The following SYT5 variants were observed in gnomAD, a reference collection of about 807,000 sequenced individuals.
The protein encoded by SYT5 is synaptotagmin-5.
SYT5 carries 29 observed loss-of-function variants against 36.0 expected under a neutral mutation model. That is an observed-to-expected ratio of 0.81 (90% CI 0.60 to 1.10). The LOEUF is 1.10. SYT5 is among the 50% of genes least tolerant of loss of function. The pLI is 0.00. For synonymous variants in SYT5, 231 were observed against 227.6 expected (o/e 1.02, Z -0.14); for missense variants, 512 against 516.0 (o/e 0.99, Z 0.08).
intron 3 of SYT5, 129 bp downstream of exon 3, chr19:55,178,067 C>T: frequency 9.2e-7 from 1 of 1,082,602 alleles, no homozygotes; most frequent in Non-Finnish European, 1.3e-6. Flanking sequence ...GGGCTAGACA[C>T]ACAGGGAGGA....
Position 55,178,248 on chromosome 19 carries a change from G to C in SYT5, c.200C>G (p.Ala67Gly), listed in dbSNP as rs1023650234. 4.3e-6 allele frequency: 7 copies of C among 1,609,824 alleles called. No individual in the cohort carries two copies. Among genetic ancestry groups the C allele is most frequent in the Non-Finnish European group, 5.9e-6 (7 of 1,178,368 alleles). The change falls in exon 3 of 9, where the codon GCC becomes GGC. Residue 67 changes from alanine to glycine, a missense_variant. Transcript: ENST00000354308. Reference sequence around the variant, plus strand: ...CTTCACTTCCTGAAGGTGGACCTGGGCTTGGGCCTGGCTCTTCTTGCCTGT... The same window carrying C: ...CTTCACTTCCTGAAGGTGGACCTGGCCTTGGGCCTGGCTCTTCTTGCCTGT... ...RRTGKKSQAQ[A>G]QVHLQEVKGL...
intron 8 of SYT5, chr19:55,174,103 G>T: frequency 4.9e-6 from 1 of 205,550 alleles, no homozygotes; most frequent in Non-Finnish European, 9.7e-6. Context: ...GTCCTGCTTA[G>T]GGTGGGGAAT....
intron 3 of SYT5, among the ~76,000 whole-genome samples, chr19:55,176,880 A>C (rs1398369272): frequency 6.6e-6 from 1 of 152,214 alleles, no homozygotes; most frequent in Non-Finnish European, 1.5e-5. Flanking sequence ...GTTAGTGACC[A>C]CAGACTTGAG....
chr19:55,177,500 T>C (rs895356675), intron 3 of SYT5: 1 of 152,192 alleles, frequency 6.6e-6, no homozygotes, highest in African/African-American at 2.4e-5. Context: ...ATATGTCCCA[T>C]TTTCTGAAAA....
In SYT5 at chr19:55,173,779, G is replaced by A; in HGVS notation, c.961-95C>T. The A allele has an allele frequency of 1.6e-6, 2 of 1,255,318 alleles. No individual in the cohort carries two copies. Among genetic ancestry groups the A allele is most frequent in the African/African-American group, 1.6e-5 (1 of 64,220 alleles). The allele number at this position is 1,255,318 out of a possible 1,614,324, so 77.8% of individuals were successfully genotyped here. A position where few individuals can be genotyped will look rare whatever the true frequency, so the allele number is the denominator to read the frequency against. On this transcript the variant is annotated intron_variant, in intron 8 of 8. Transcript: ENST00000354308. This position sits in a 1 kb window ranked among gnomAD's most constrained non-coding sequence, Gnocchi z 5.4. ...GTTTTCACGGCTGAGGGTACCTCTC[G>A]CTGCCACCCGAGGGCTCGGGGCCCC...
Position 55,175,255 on chromosome 19 carries a change from C to A in SYT5, c.625G>T (p.Glu209Ter). The A allele has an allele frequency of 6.2e-7, 1 of 1,607,428 alleles. No homozygotes were observed. The change falls in exon 6 of 9, where the codon GAG (glutamate) becomes TAG (stop). Residue 209 changes from glutamate (E) to a stop codon, truncating the protein, a stop_gained. Transcript: ENST00000354308. LOFTEE classifies it high-confidence loss of function. This position sits in a 1 kb window ranked among gnomAD's most constrained non-coding sequence, Gnocchi z 4.5. ...ACGGAGCTCATAGGGACCCGCACCTCCCCGATGGCGTCATTGCGAGAGAAG... is the reference window on the plus strand; with the variant it reads ...ACGGAGCTCATAGGGACCCGCACCTACCCGATGGCGTCATTGCGAGAGAAG... The part of the protein sequence containing the change: ...DRFSRNDAIG[E>*]VRVPMSSVDL...
In SYT5 at chr19:55,174,772, C is replaced by T. The variant is rs534145463; in HGVS notation, c.826+110G>A. The T allele has an allele frequency of 1.9e-6, 3 of 1,568,388 alleles. No individual in the cohort carries two copies. In the Admixed American group the frequency reaches 5.1e-5, roughly 27 times the overall value. On this transcript the variant is annotated intron_variant, in intron 7 of 8. Transcript: ENST00000354308. The stretch of plus-strand genomic sequence containing the variant: ...ATGCCAAAATCCATGCCTTCCACAG[C>T]AGCCAGGTCCTCCCTGTCCCCGAAG...
Position 55,173,762 on chromosome 19 carries a change from G to A in SYT5, c.961-78C>T. ...CGGAAGGGGCGGTGTCCGTTTTCAC[G>A]GCTGAGGGTACCTCTCGCTGCCACC... On this transcript the variant is annotated intron_variant, in intron 8 of 8. Transcript: ENST00000354308. This position sits in a 1 kb window ranked among gnomAD's most constrained non-coding sequence, Gnocchi z 5.4. 7.8e-7 allele frequency: 1 copy of A among 1,283,798 alleles called. No individual in the cohort carries two copies. Among genetic ancestry groups the A allele is most frequent in the Non-Finnish European group, 9.9e-7 (1 of 1,005,678 alleles). 79.5% of individuals were successfully genotyped at this position (1,283,798 alleles called of 1,614,324 possible). A position where few individuals can be genotyped will look rare whatever the true frequency, so the allele number is the denominator to read the frequency against.
At chr19:55,174,830 G>T in intron 7 of SYT5, 52 bp downstream of exon 7, 3 of 1,591,758 alleles carry the variant, frequency 1.9e-6, no homozygotes, top group Non-Finnish European at 2.6e-6. Context: ...GTCAGAACGA[G>T]AACCCACCCC....
At chr19:55,176,182 G>T in intron 3 of SYT5, 58 bp from the exon 4 acceptor site, 1 of 1,609,758 alleles carries the variant, frequency 6.2e-7, no homozygotes. Context: ...GTATCCATCA[G>T]GCTCAGAAGC....
At chr19:55,174,371 T>C in intron 8 of SYT5, 146 bp downstream of exon 8, 2 of 1,096,844 alleles carry the variant, frequency 1.8e-6, no homozygotes, top group Non-Finnish European at 2.5e-6. Flanking sequence ...AGAGGCTTCC[T>C]GGTCCTCATA....
chr19:55,175,802 C>T lies in SYT5; in HGVS notation c.447G>A (p.Arg149=), dbSNP rs138357996. ...DLGGSSDPYV[R]VYLLPDKRRR... ...TCCGTTTGTCCGGCAGCAGGTAGAC[C>T]CGCACATAGGGGTCCGAGGAGCCAC... The change falls in exon 5 of 9, where the codon CGG becomes CGA. Residue 149 remains arginine (R), a synonymous_variant. Coordinates refer to ENST00000354308, the MANE Select transcript of SYT5 (RefSeq NM_003180.3). This position sits in a 1 kb window ranked among gnomAD's most constrained non-coding sequence, Gnocchi z 4.5. 11 of 1,614,062 alleles carry T rather than the reference C, an allele frequency of 6.8e-6. No homozygotes were observed. The African/African-American group carries it at 1.3e-4, about 20-fold the overall frequency.
At position 55,176,090 on chromosome 19, in the gene SYT5, G is replaced by T; in HGVS notation, c.287C>A (p.Pro96Gln). The change falls in exon 4 of 9, where the codon CCA becomes CAA. Residue 96 changes from proline (P) to glutamine (Q), a missense_variant. By Grantham distance (76) the Pro-to-Gln change is moderately conservative. Transcript: ENST00000354308. ...QPEVEELEPA[P>Q]SGPGQQVADK... ...TGCCACCTGCTGCCCTGGCCCGGATGGTGCTGGCTCCAGCTCCTCTACTTC... is the reference window on the plus strand; with the variant it reads ...TGCCACCTGCTGCCCTGGCCCGGATTGTGCTGGCTCCAGCTCCTCTACTTC... 1 of 1,614,200 alleles carries T rather than the reference G, an allele frequency of 6.2e-7. No individual in the cohort carries two copies. The highest frequency in any genetic ancestry group is 8.5e-7 in the Non-Finnish European group (1 of 1,180,052).
In SYT5 at chr19:55,172,982, G is replaced by A. The variant is rs1267107017; in HGVS notation, c.*502C>T. 1 of 153,788 alleles carries A rather than the reference G, an allele frequency of 6.5e-6. No individual in the cohort carries two copies. Among genetic ancestry groups the A allele is most frequent in the Admixed American group, 6.5e-5 (1 of 15,296 alleles). 9.5% of individuals were successfully genotyped at this position (153,788 alleles called of 1,614,324 possible). ...CATGGGGTCAGGCCAGTCTCTCAGAGGCTTTCAGGACGAACAGCACTCACA... is the reference window on the plus strand; with the variant it reads ...CATGGGGTCAGGCCAGTCTCTCAGAAGCTTTCAGGACGAACAGCACTCACA... On this transcript the variant is annotated 3_prime_UTR_variant, in exon 9 of 9. Coordinates refer to ENST00000354308, the MANE Select transcript of SYT5 (RefSeq NM_003180.3).
At chr19:55,174,457 G>A in intron 8 of SYT5, 60 bp downstream of exon 8, 1 of 1,582,200 alleles carries the variant, frequency 6.3e-7, no homozygotes, top group Non-Finnish European at 8.6e-7. Context: ...GTCTCCCTCC[G>A]CCTAGCAATG....
rs1369408770 is a variant in SYT5 at position 55,178,286 on chromosome 19, G to A, written c.162C>T (p.Ser54=). 1.2e-6 allele frequency: 2 copies of A among 1,611,800 alleles called. No individual in the cohort carries two copies. Among genetic ancestry groups the A allele is most frequent in the Non-Finnish European group, 1.7e-6 (2 of 1,179,266 alleles). Residue 54 remains serine, a synonymous_variant, in exon 3 of 9, where the codon AGC becomes AGT. Coordinates refer to ENST00000354308, the MANE Select transcript of SYT5 (RefSeq NM_003180.3). ...FSCCFCLYRK[S]CRRRTGKKSQ... is the part of the protein sequence containing the mutation. The stretch of plus-strand genomic sequence containing the variant: ...TCTTCTTGCCTGTCCGCCTCCGACA[G>A]CTCTTCCGGTAGAGACAGAAACAGC...
At position 55,173,380 on chromosome 19, in the gene SYT5, C is replaced by A; in HGVS notation, c.*104G>T. The A allele has an allele frequency of 1.0e-6, 1 of 955,656 alleles. No individual in the cohort carries two copies. The highest frequency in any genetic ancestry group is 3.3e-5 in the East Asian group (1 of 30,192). 59.2% of individuals were successfully genotyped at this position (955,656 alleles called of 1,614,324 possible). Reference sequence around the variant, plus strand: ...GGGTGGAAGGTGGGGGGAGGGTAACCGTCAGAGGAAGCTTAAGGGTGGGGC... The same window carrying A: ...GGGTGGAAGGTGGGGGGAGGGTAACAGTCAGAGGAAGCTTAAGGGTGGGGC... On this transcript the variant is annotated 3_prime_UTR_variant, in exon 9 of 9. Transcript: ENST00000354308. This position sits in a 1 kb window ranked among gnomAD's most constrained non-coding sequence, Gnocchi z 5.4.
chr19:55,176,414 A>G (rs2086078079), intron 3 of SYT5, among the ~76,000 whole-genome samples: 1 of 152,226 alleles, frequency 6.6e-6, no homozygotes, highest in African/African-American at 2.4e-5. Context: ...CCCATTGCCC[A>G]CAGGAATAAT....
In SYT5 at chr19:55,174,936, C is replaced by A. The variant is rs1190040113; in HGVS notation, c.772G>T (p.Val258Phe). Residue 258 changes from valine (V) to phenylalanine (F), a missense_variant, in exon 7 of 9, where the codon GTC becomes TTC. By Grantham distance (50) the Val-to-Phe change is conservative. Coordinates refer to ENST00000354308, the MANE Select transcript of SYT5 (RefSeq NM_003180.3). ...AGGTTTTTAGCCTCCAGGACGATGA[C>A]GGTGAGCTTCCCGGCCGTGGGGACA... ...RYVPTAGKLT[V>F]IVLEAKNLKK... 1 of 1,614,192 alleles carries A rather than the reference C, an allele frequency of 6.2e-7. No individual in the cohort carries two copies. Among genetic ancestry groups the A allele is most frequent in the Non-Finnish European group, 8.5e-7 (1 of 1,180,026 alleles).
Sources: gnomAD v4.1 joint callset for allele counts (sites outside exome capture counted in the v4.1 genomes callset) on GRCh38, gnomAD v4.1.1 for gene constraint, Gnocchi (gnomAD v3.1) non-coding constraint, MANE v1.5 for transcripts, NCBI Gene and HGNC (gene_info 2026-07-23, HGNC 2026-07-21) for gene names.